Variants in TMED5 observed in about 807,000 individuals in gnomAD.
The protein encoded by TMED5 is transmembrane emp24 domain-containing protein 5.
A neutral mutation model predicts 23.0 loss-of-function variants in TMED5; 27 were observed. The observed-to-expected ratio is 1.17, with a 90% CI of 0.86 to 1.62. The LOEUF (loss-of-function observed/expected upper bound fraction) is 1.62, where lower values mean the gene tolerates loss of function less well. TMED5 is among the 40% of genes most tolerant of loss of function. The pLI is 0.00. For synonymous variants in TMED5, 97 were observed against 100.8 expected, an observed-to-expected ratio of 0.96 and a Z score of 0.23; for missense variants, 248 against 273.7, an observed-to-expected ratio of 0.91 and a Z score of 0.66.
At chr1:93,158,910 C>A in intron 2 of TMED5, 1 of 901,598 alleles carries the variant, frequency 1.1e-6, no homozygotes, top group Non-Finnish European at 1.3e-6. Context: ...ACAGTTAATT[C>A]CAAGTATATC....
At chr1:93,172,320 A>G (rs1285915553) in intron 1 of TMED5, among the ~76,000 whole-genome samples, 2 of 152,242 alleles carry the variant, frequency 1.3e-5, no homozygotes, top group Non-Finnish European at 2.9e-5. Context: ...CTGCCAAAAA[A>G]AAACCCGTCC....
chr1:93,167,170 A>C (rs982073123), intron 1 of TMED5, among the ~76,000 whole-genome samples: 5 of 152,066 alleles, frequency 3.3e-5, no homozygotes, highest in African/African-American at 1.2e-4. Flanking sequence ...ATATCTCTGT[A>C]GTATAATTTG....
chr1:93,170,265 G>C (rs1184661861), intron 1 of TMED5, among the ~76,000 whole-genome samples: 1 of 152,226 alleles, frequency 6.6e-6, no homozygotes, highest in East Asian at 1.9e-4. Flanking sequence ...GGGAGGTGTG[G>C]AGGGAGAGGC....
rs10572798 is a variant in TMED5 at position 93,156,807 on chromosome 1, C to CAA, written c.288-326_288-325dup. Reference sequence around the variant, plus strand: ...TGGGCAACAGAGCAAGATCCTGTCTCAAAAAAAAAAAAAAAAAAAAAGAAA... The same window carrying CAA: ...TGGGCAACAGAGCAAGATCCTGTCTCAAAAAAAAAAAAAAAAAAAAAAAGAAA... On this transcript the variant is annotated intron_variant, in intron 2 of 3. Transcript: ENST00000370282. Among the ~76,000 whole-genome samples, 803 of 90,412 alleles carry CAA rather than the reference C, an allele frequency of 8.9e-3. 16 individuals carry two copies. Among genetic ancestry groups the CAA allele is most frequent in the African/African-American group, 0.029 (755 of 26,108 alleles). 59.3% of individuals were successfully genotyped at this position (90,412 alleles called of 152,430 possible).
In TMED5 at chr1:93,156,427, A is replaced by G; in HGVS notation, c.344T>C (p.Ile115Thr). 1 of 1,613,972 alleles carries G rather than the reference A, an allele frequency of 6.2e-7. No individual in the cohort carries two copies. Among genetic ancestry groups the G allele is most frequent in the African/African-American group, 1.3e-5 (1 of 75,036 alleles). Reference protein sequence around the residue: ...MFCFDNTFSTISEKVIFFELI... With the variant: ...MFCFDNTFSTTSEKVIFFELI... ...TTCAAAGAAAATCACCTTCTCAGAAATGGTGCTGAATGTATTGTCAAAGCA... is the reference window on the plus strand; with the variant it reads ...TTCAAAGAAAATCACCTTCTCAGAAGTGGTGCTGAATGTATTGTCAAAGCA... The change falls in exon 3 of 4, where the codon ATT becomes ACT. Residue 115 changes from isoleucine to threonine, a missense_variant. By Grantham distance (89) the Ile-to-Thr change is moderately conservative. Transcript: ENST00000370282.
chr1:93,164,247 G>A (rs1648402355), intron 1 of TMED5, among the ~76,000 whole-genome samples: 1 of 151,966 alleles, frequency 6.6e-6, no homozygotes, highest in Admixed American at 6.6e-5. Flanking sequence ...TACATAGCAA[G>A]GGCAAAGAAA....
chr1:93,162,737 TA>T (rs969922223), intron 1 of TMED5: 13 of 152,120 alleles, frequency 8.5e-5, no homozygotes, highest in African/African-American at 3.1e-4. Flanking sequence ...CCAAAGGATT[TA>T]AAAAGTACAA....
chr1:93,168,123 C>T (rs1463583819), intron 1 of TMED5, among the ~76,000 whole-genome samples: 1 of 151,446 alleles, frequency 6.6e-6, no homozygotes, highest in East Asian at 1.9e-4. Flanking sequence ...ATTTCAACCA[C>T]AAAACTTTTA....
In TMED5 at chr1:93,180,274, C is replaced by T. The variant is rs1649296524; in HGVS notation, c.-32G>A. 3.2e-6 allele frequency: 5 copies of T among 1,583,642 alleles called. No individual in the cohort carries two copies. The highest frequency in any genetic ancestry group is 4.3e-6 in the Non-Finnish European group (5 of 1,168,888). On this transcript the variant is annotated 5_prime_UTR_variant, in exon 1 of 4. Coordinates refer to ENST00000370282, the MANE Select transcript of TMED5 (RefSeq NM_016040.5). Reference sequence around the variant, plus strand: ...TGGGGCGATCCCGGGCTGAAAGAGGCGTCAGGTACTGTTGTCTCCGCTCCG... The same window carrying T: ...TGGGGCGATCCCGGGCTGAAAGAGGTGTCAGGTACTGTTGTCTCCGCTCCG...
rs1291656348 is a variant in TMED5 at position 93,180,046 on chromosome 1, G to A, written c.189+8C>T. Reference sequence around the variant, plus strand: ...AAGGAAGGAGGCTGGTTTATCCTCCGCACTTACTTGGTACTCGATCTCCAG... The same window carrying A: ...AAGGAAGGAGGCTGGTTTATCCTCCACACTTACTTGGTACTCGATCTCCAG... On this transcript the variant is annotated splice_region_variant and intron_variant, in intron 1 of 3. Transcript: ENST00000370282. 1 of 1,611,014 alleles carries A rather than the reference G, an allele frequency of 6.2e-7. No individual in the cohort carries two copies. Among genetic ancestry groups the A allele is most frequent in the Non-Finnish European group, 8.5e-7 (1 of 1,178,664 alleles).
Position 93,180,237 on chromosome 1 carries a change from G to T in TMED5, c.6C>A (p.Gly2=), listed in dbSNP as rs367642516. 7 of 1,610,168 alleles carry T rather than the reference G, an allele frequency of 4.3e-6. No homozygotes were observed. The South Asian group carries it at 7.7e-5, about 18-fold the overall frequency. Residue 2 remains glycine (G), a synonymous_variant, in exon 1 of 4, where the codon GGC becomes GGA. Transcript: ENST00000370282. ...CGGGGAAGGGCAGCCAGATCTTGTC[G>T]CCCATCCCTGCTGGGGCGATCCCGG... M[G]DKIWLPFPVL... is the part of the protein sequence containing the mutation.
chr1:93,166,767 T>G (rs540214206), intron 1 of TMED5, among the ~76,000 whole-genome samples: 1 of 152,234 alleles, frequency 6.6e-6, no homozygotes, highest in African/African-American at 2.4e-5. Flanking sequence ...TTTAGCTTGA[T>G]GTGATCTCAT....
intron 1 of TMED5, among the ~76,000 whole-genome samples, chr1:93,169,802 C>T (rs1273577422): frequency 6.6e-6 from 1 of 151,498 alleles, no homozygotes; most frequent in Non-Finnish European, 1.5e-5. Context: ...AATCTCAGCA[C>T]TTTGGGAGGC....
chr1:93,156,299 C>T lies in TMED5; in HGVS notation c.471+1G>A. The T allele has an allele frequency of 6.2e-7, 1 of 1,612,568 alleles. No homozygotes were observed. The highest frequency in any genetic ancestry group is 8.5e-7 in the Non-Finnish European group (1 of 1,178,764). On this transcript the variant is annotated splice_donor_variant, in intron 3 of 3. Transcript: ENST00000370282. LOFTEE classifies it high-confidence loss of function. The stretch of plus-strand genomic sequence containing the variant: ...TTATTTTATTAGAAGACCATACTGA[C>T]CAGGATGTCTTCCAGTTTCATATCC...
intron 3 of TMED5, among the ~76,000 whole-genome samples, 198 bp from the exon 4 acceptor site, chr1:93,155,086 G>A (rs1464178054): frequency 6.6e-6 from 1 of 151,984 alleles, no homozygotes. Context: ...AAAAAGATGG[G>A]TATGGTAGCA....
intron 1 of TMED5, among the ~76,000 whole-genome samples, chr1:93,167,115 T>C (rs1341945069): frequency 6.6e-6 from 1 of 152,160 alleles, no homozygotes; most frequent in Admixed American, 6.5e-5. Context: ...GTTACATTGG[T>C]CTATGTGTCT....
At position 93,165,758 on chromosome 1, in the gene TMED5, A is replaced by C. The variant is rs564270505; in HGVS notation, c.190-5532T>G. On this transcript the variant is annotated intron_variant, in intron 1 of 3. Coordinates refer to ENST00000370282, the MANE Select transcript of TMED5 (RefSeq NM_016040.5). ...AAAATGTACATTTATGCTACAACAA[A>C]AGTGCCTTACAAAGCAAAAATATTT... Among the ~76,000 whole-genome samples, 94 of 152,364 alleles carry C rather than the reference A, an allele frequency of 6.2e-4. 1 individual carries two copies. In the South Asian group the frequency reaches 0.019, roughly 31 times the overall value.
rs1006354277 is a variant in TMED5, at chr1:93,150,379, G to C, written c.*4291C>G. 2.6e-5 allele frequency: 4 copies of C among 152,184 alleles called. No homozygotes were observed. Among genetic ancestry groups the C allele is most frequent in the African/African-American group, 4.8e-5 (2 of 41,430 alleles). 9.4% of individuals were successfully genotyped at this position (152,184 alleles called of 1,614,324 possible). A position where few individuals can be genotyped will look rare whatever the true frequency, so the allele number is the denominator to read the frequency against. ...ATTCACTCTTTTTGAAGGACATCCAGGTTGTTTCCGGGTTTTGGCTATTAT... is the reference window on the plus strand; with the variant it reads ...ATTCACTCTTTTTGAAGGACATCCACGTTGTTTCCGGGTTTTGGCTATTAT... On this transcript the variant is annotated 3_prime_UTR_variant, in exon 4 of 4. Transcript: ENST00000370282.
At chr1:93,175,133 A>C (rs1648860365) in intron 1 of TMED5, among the ~76,000 whole-genome samples, 1 of 143,022 alleles carries the variant, frequency 7.0e-6, no homozygotes, top group Non-Finnish European at 1.5e-5. Context: ...CCCAAAACCC[A>C]GCCATTTATA....
Sources: gnomAD v4.1 joint callset for allele counts (sites outside exome capture counted in the v4.1 genomes callset) on GRCh38, gnomAD v4.1.1 for gene constraint, MANE v1.5 for transcripts, NCBI Gene and HGNC (gene_info 2026-07-23, HGNC 2026-07-21) for gene names.